The following F8 variants were observed in gnomAD, a reference collection of about 807,000 sequenced individuals.
The protein encoded by F8 is antihemophilic factor.
F8 carries 12 observed loss-of-function variants against 140.6 expected under a neutral mutation model. The ratio of observed to expected loss-of-function variants is 0.09; its 90% CI spans 0.05 to 0.14. The LOEUF (loss-of-function observed/expected upper bound fraction) is 0.14, where lower values mean the gene tolerates loss of function less well. F8 is among the 10% of genes least tolerant of loss of function. F8 has a pLI of 1.00. For missense variants in F8, 1,354 were observed against 1,720.7 expected (o/e 0.79, Z 3.77); for synonymous variants, 585 against 614.6 (o/e 0.95, Z 0.71).
At chrX:154,941,499 C>T (rs1557279742) in intron 13 of F8, among the ~76,000 whole-genome samples, 1 of 111,220 alleles carries the variant, frequency 9.0e-6, no homozygotes, top group African/African-American at 3.3e-5. Flanking sequence ...AATACAGGAG[C>T]ACCCAGTTTC....
intron 9 of F8, 122 bp downstream of exon 9, chrX:154,965,848 A>T: frequency 4.4e-6 from 3 of 685,536 alleles, no homozygotes; most frequent in Non-Finnish European, 6.8e-6. Flanking sequence ...TTTGTGTAAC[A>T]TTTATAGCTT....
At chrX:154,862,776 C>T (rs1453272046) in intron 23 of F8, among the ~76,000 whole-genome samples, 1 of 112,064 alleles carries the variant, frequency 8.9e-6, no homozygotes, top group Non-Finnish European at 1.9e-5. Flanking sequence ...TTTCTTTATC[C>T]AATCTGTTGT....
intron 21 of F8, among the ~76,000 whole-genome samples, chrX:154,896,656 A>C (rs1412932965): frequency 9.0e-6 from 1 of 110,996 alleles, no homozygotes; most frequent in African/African-American, 3.3e-5. Flanking sequence ...CTCTCCTGAA[A>C]CCAGACCCAC....
intron 1 of F8, among the ~76,000 whole-genome samples, chrX:155,002,869 T>C (rs1441465852): frequency 8.9e-6 from 1 of 112,210 alleles, no homozygotes; most frequent in African/African-American, 3.2e-5. Flanking sequence ...TGTTTTAGTT[T>C]TGATAGTAGC....
chrX:154,851,595 G>T (rs1557272164), intron 25 of F8, among the ~76,000 whole-genome samples: 1 of 109,681 alleles, frequency 9.1e-6, no homozygotes, highest in African/African-American at 3.3e-5. Flanking sequence ...TTTTAATTTA[G>T]CCATCCTAGC....
chrX:154,839,057 T>C (rs1416762227), intron 25 of F8, among the ~76,000 whole-genome samples: 1 of 108,085 alleles, frequency 9.3e-6, no homozygotes, highest in African/African-American at 3.4e-5. Context: ...TCCCACTGCA[T>C]TCCTCCTATT....
intron 14 of F8, among the ~76,000 whole-genome samples, chrX:154,915,755 C>T (rs969397904): frequency 2.7e-5 from 3 of 111,795 alleles, no homozygotes; most frequent in Non-Finnish European, 5.6e-5. Flanking sequence ...AACATTATAT[C>T]GTCTACAAAC....
chrX:154,843,553 G>C (rs1340397327), intron 25 of F8, among the ~76,000 whole-genome samples: 2 of 112,245 alleles, frequency 1.8e-5, no homozygotes, highest in Non-Finnish European at 3.8e-5. Flanking sequence ...CAGTGATGAT[G>C]AGCATTTTTT....
At chrX:154,982,064 A>G (rs781995174) in intron 6 of F8, among the ~76,000 whole-genome samples, 1 of 110,170 alleles carries the variant, frequency 9.1e-6, no homozygotes, top group Non-Finnish European at 1.9e-5. Flanking sequence ...CATGCCTGTA[A>G]TCCCAGCTAC....
intron 1 of F8, among the ~76,000 whole-genome samples, chrX:155,018,908 A>G (rs782093550): frequency 1.8e-5 from 2 of 112,349 alleles, no homozygotes; most frequent in Non-Finnish European, 3.8e-5. Context: ...CAATAGAAAA[A>G]GATGGAGTAC....
chrX:154,984,643 G>T, intron 6 of F8, 44 bp downstream of exon 6: 1 of 1,012,108 alleles, frequency 9.9e-7, no homozygotes, highest in Non-Finnish European at 1.4e-6. Context: ...CTCTGGTGCT[G>T]AATTTGGAAG....
chrX:154,938,473 C>T (rs1019134323), intron 13 of F8, among the ~76,000 whole-genome samples: 1 of 111,851 alleles, frequency 8.9e-6, no homozygotes, highest in Non-Finnish European at 1.9e-5. Context: ...ACACAGCAAT[C>T]AGACTTCTAG....
chrX:154,915,850 G>T (rs2073093928), intron 14 of F8, among the ~76,000 whole-genome samples: 1 of 111,914 alleles, frequency 8.9e-6, no homozygotes, highest in Non-Finnish European at 1.9e-5. Flanking sequence ...GCATTTAATA[G>T]AATTGATGAA....
chrX:154,966,813 A>C, intron 7 of F8, 126 bp from the exon 8 acceptor site: 1 of 864,681 alleles, frequency 1.2e-6, no homozygotes, highest in Non-Finnish European at 1.7e-6. Flanking sequence ...CTATATGGGA[A>C]GCATGGTGCT....
At chrX:154,966,304 C>T in intron 8 of F8, 122 bp downstream of exon 8, 1 of 937,913 alleles carries the variant, frequency 1.1e-6, no homozygotes, top group Non-Finnish European at 1.5e-6. Flanking sequence ...AATACCCTTG[C>T]CATTTGATTC....
intron 9 of F8, among the ~76,000 whole-genome samples, chrX:154,962,974 C>T (rs1557281707): frequency 9.0e-6 from 1 of 110,743 alleles, no homozygotes; most frequent in Non-Finnish European, 1.9e-5. Context: ...AAATATCAAT[C>T]CCACCTCCAG....
Position 154,947,832 on chromosome X carries a change from C to T in F8, c.1979G>A (p.Ser660Asn). ...LHEVAYWYIL[S>N]IGAQTDFLSV... ...AAGGAAGTCAGTCTGTGCTCCAATG[C>T]TTAGAATGTACCAGTATGCCACCTC... The change falls in exon 13 of 26, where the codon AGC becomes AAC. Residue 660 changes from serine to asparagine, a missense_variant. Ser to Asn is a conservative substitution (Grantham distance 46, BLOSUM62 1). Around this residue, in one of 4 missense-constraint regions of F8, gnomAD observed 252 missense variants for 338.5 expected, o/e 0.74. Transcript: ENST00000360256. The T allele has an allele frequency of 8.3e-7, 1 of 1,211,004 alleles. No homozygotes were observed. The highest frequency in any genetic ancestry group is 1.1e-6 in the Non-Finnish European group (1 of 894,838).
At chrX:154,847,516 C>T (rs5987045) in intron 25 of F8, among the ~76,000 whole-genome samples, 4 of 111,995 alleles carry the variant, frequency 3.6e-5, no homozygotes, top group East Asian at 2.8e-4. Flanking sequence ...CTTCTCTTCT[C>T]GCTTCATTTC....
chrX:154,951,699 TTTC>T (rs2073338697), intron 12 of F8, among the ~76,000 whole-genome samples: 1 of 110,891 alleles, frequency 9.0e-6, no homozygotes, highest in Admixed American at 9.6e-5. Flanking sequence ...TTTTTCTTCT[TTTC>T]TTATCCCTCT....
Sources: allele counts gnomAD v4.1 joint callset (sites outside exome capture counted in the v4.1 genomes callset), GRCh38; gene constraint gnomAD v4.1.1; regional missense constraint gnomAD v4.1.1; transcripts MANE v1.5; gene names NCBI Gene and HGNC (gene_info 2026-07-23, HGNC 2026-07-21).